TMOD1: variants seen among roughly 807,000 people sequenced by gnomAD.
The protein encoded by TMOD1 is tropomodulin-1.
A neutral mutation model predicts 40.6 loss-of-function variants in TMOD1; 17 were observed. The observed-to-expected ratio is 0.42, with a 90% CI of 0.29 to 0.63. The LOEUF (loss-of-function observed/expected upper bound fraction) is 0.63, where lower values mean the gene tolerates loss of function less well. Ranked by LOEUF, TMOD1 falls within the 20% of genes least tolerant of loss-of-function variation. The pLI is 0.22. For synonymous variants in TMOD1, 181 were observed against 175.0 expected (o/e 1.03, Z -0.27); for missense variants, 391 against 447.6 (o/e 0.87, Z 1.14).
intron 4 of TMOD1, among the ~76,000 whole-genome samples, chr9:97,553,757 C>T (rs1830489289): frequency 1.3e-5 from 2 of 152,212 alleles, no homozygotes; most frequent in Middle Eastern, 3.4e-3. Flanking sequence ...GACAGAGGGC[C>T]TCTGGTTTCT....
chr9:97,541,104 A>AT (rs1221307564), intron 2 of TMOD1, among the ~76,000 whole-genome samples: 3 of 152,114 alleles, frequency 2.0e-5, no homozygotes, highest in East Asian at 1.9e-4. Flanking sequence ...AGTATTGAGC[A>AT]TTTTTTCATG....
At chr9:97,555,728 A>T in intron 4 of TMOD1, 1 of 1,506,954 alleles carries the variant, frequency 6.6e-7, no homozygotes, top group Non-Finnish European at 9.0e-7. Context: ...TGCTCTCAAG[A>T]CCTTATTGCA....
At chr9:97,530,100 C>G (rs4609296) in intron 2 of TMOD1, among the ~76,000 whole-genome samples, 121,020 of 152,172 alleles carry the variant, frequency 0.8, 48,461 homozygotes, top group African/African-American at 0.88. Flanking sequence ...GAAGGAAACT[C>G]AGAGAGCAGA....
In TMOD1 at chr9:97,546,294, A is replaced by G; in HGVS notation, c.230A>G (p.Glu77Gly). 2 of 1,614,122 alleles carry G rather than the reference A, an allele frequency of 1.2e-6. No individual in the cohort carries two copies. The highest frequency in any genetic ancestry group is 1.7e-6 in the Non-Finnish European group (2 of 1,180,032). ...LLDHLEKQAK[E>G]FKDREDLVPY... ...GATCACTTGGAAAAGCAAGCAAAGG[A>G]GTTTAAGGACCGAGAAGATCTGGTC... The change falls in exon 3 of 10, where the codon GAG becomes GGG. Residue 77 changes from glutamate to glycine, a missense_variant. Glu to Gly is a moderately conservative substitution (Grantham distance 98, BLOSUM62 -2). Coordinates refer to ENST00000259365, the MANE Select transcript of TMOD1 (RefSeq NM_003275.4).
intron 2 of TMOD1, among the ~76,000 whole-genome samples, chr9:97,543,581 G>A (rs779018326): frequency 7.2e-5 from 11 of 152,238 alleles, no homozygotes; most frequent in Non-Finnish European, 1.6e-4. Flanking sequence ...ATGAGATTTA[G>A]GGGACTTGCC....
At chr9:97,539,825 G>A (rs569731764) in intron 2 of TMOD1, among the ~76,000 whole-genome samples, 22 of 151,880 alleles carry the variant, frequency 1.4e-4, no homozygotes, top group Non-Finnish European at 2.5e-4. Context: ...AATTAGCCGA[G>A]CATGGTGGCA....
At chr9:97,560,019 G>A (rs1830613694) in intron 4 of TMOD1, among the ~76,000 whole-genome samples, 1 of 151,130 alleles carries the variant, frequency 6.6e-6, no homozygotes, top group Admixed American at 6.6e-5. Context: ...AACTGCCCAA[G>A]GTCACACTGA....
chr9:97,592,070 T>TA (rs11372930), intron 9 of TMOD1, among the ~76,000 whole-genome samples: 73,248 of 151,620 alleles, frequency 0.48, 18,063 homozygotes, highest in African/African-American at 0.58. Context: ...TATTTTTTGA[T>TA]AATGAACACT....
In TMOD1 at chr9:97,600,559, G is replaced by C; in HGVS notation, c.*861G>C. ...ACAGTGGGCAAATGGCTTATGTGAG[G>C]TAAGACACTAGAGGGATAAATTTCC... On this transcript the variant is annotated 3_prime_UTR_variant, in exon 10 of 10. Transcript: ENST00000259365. The C allele has an allele frequency of 1.0e-6, 1 of 985,930 alleles. No individual in the cohort carries two copies. Among genetic ancestry groups the C allele is most frequent in the Non-Finnish European group, 1.2e-6 (1 of 830,328 alleles). 61.1% of individuals were successfully genotyped at this position (985,930 alleles called of 1,614,324 possible). A position where few individuals can be genotyped will look rare whatever the true frequency, so the allele number is the denominator to read the frequency against.
At chr9:97,597,745 C>T (rs1054011637) in intron 9 of TMOD1, among the ~76,000 whole-genome samples, 1 of 147,850 alleles carries the variant, frequency 6.8e-6, no homozygotes, top group African/African-American at 2.5e-5. Context: ...GAACCATGCA[C>T]ACACACACAC....
intron 4 of TMOD1, chr9:97,555,767 A>T (rs1830528230): frequency 1.5e-6 from 2 of 1,290,936 alleles, no homozygotes; most frequent in African/African-American, 2.9e-5. Flanking sequence ...CCTATGAAGG[A>T]AATTTTATTA....
At chr9:97,559,912 C>A (rs2131262381) in intron 4 of TMOD1, among the ~76,000 whole-genome samples, 1 of 145,170 alleles carries the variant, frequency 6.9e-6, no homozygotes, top group African/African-American at 2.6e-5. Flanking sequence ...TCTTAAAGCT[C>A]CCTGGGTGAT....
intron 1 of TMOD1, among the ~76,000 whole-genome samples, chr9:97,514,239 T>TGGG (rs1225343903): frequency 1.2e-5 from 1 of 82,514 alleles, no homozygotes; most frequent in Non-Finnish European, 2.7e-5. Context: ...TGTTTTTTTT[T>TGGG]TGGGGGGGGG....
intron 1 of TMOD1, among the ~76,000 whole-genome samples, chr9:97,523,049 G>A (rs771585181): frequency 1.3e-5 from 2 of 152,068 alleles, no homozygotes; most frequent in Non-Finnish European, 2.9e-5. Flanking sequence ...CAAGCCCTAG[G>A]CCATCCCTTA....
At chr9:97,579,014 C>T (rs1227978268) in intron 8 of TMOD1, among the ~76,000 whole-genome samples, 1 of 152,172 alleles carries the variant, frequency 6.6e-6, no homozygotes, top group Non-Finnish European at 1.5e-5. Context: ...CGGCCAGATT[C>T]CAGGGCTGTG....
chr9:97,590,499 A>G (rs1587964065), intron 8 of TMOD1, among the ~76,000 whole-genome samples: 1 of 152,146 alleles, frequency 6.6e-6, no homozygotes, highest in Non-Finnish European at 1.5e-5. Context: ...GTGCTAGGAT[A>G]ACAGGCATGA....
rs548171787 is a variant in TMOD1 at position 97,522,520 on chromosome 9, G to T, written c.-48-1621G>T. On this transcript the variant is annotated intron_variant, in intron 1 of 9. Coordinates refer to ENST00000259365, the MANE Select transcript of TMOD1 (RefSeq NM_003275.4). ...GTGTTGCTAGGTTACTGAGATACTG[G>T]GGGTTAGAACTTCAACATATGAACT... Among the ~76,000 whole-genome samples, 11 of 152,146 alleles carry T rather than the reference G, an allele frequency of 7.2e-5. No homozygotes were observed. In the South Asian group the frequency reaches 2.3e-3, roughly 32 times the overall value.
chr9:97,504,938 A>T (rs1007654467), intron 1 of TMOD1, among the ~76,000 whole-genome samples: 2 of 152,238 alleles, frequency 1.3e-5, no homozygotes, highest in African/African-American at 2.4e-5. Flanking sequence ...AGGAGCCATT[A>T]TCAGTTTAAA....
intron 2 of TMOD1, among the ~76,000 whole-genome samples, chr9:97,529,422 G>T (rs1245160647): frequency 2.6e-5 from 4 of 152,166 alleles, no homozygotes; most frequent in African/African-American, 7.2e-5. Flanking sequence ...ACTTCAAGGG[G>T]TGACGTTTCT....
Sources: gnomAD v4.1 joint callset for allele counts (sites outside exome capture counted in the v4.1 genomes callset) on GRCh38, gnomAD v4.1.1 for gene constraint, MANE v1.5 for transcripts, NCBI Gene and HGNC (gene_info 2026-07-23, HGNC 2026-07-21) for gene names.